The following GAB1 variants were observed in gnomAD, a reference collection of about 807,000 sequenced individuals.
GAB1 encodes the protein GRB2-associated-binding protein 1.
In GAB1, 19 loss-of-function variants were observed where a neutral mutation model predicts 66.5. That is an observed-to-expected ratio of 0.29 (90% CI 0.20 to 0.42). GAB1 has a LOEUF of 0.42. Ranked by LOEUF, GAB1 falls within the 10% of genes least tolerant of loss-of-function variation. The pLI is 1.00. For synonymous variants in GAB1, 294 were observed against 301.4 expected (o/e 0.98, Z 0.25); for missense variants, 732 against 858.5 (o/e 0.85, Z 1.84).
chr4:143,349,876 A>G (rs935096990), intron 1 of GAB1: 15 of 1,583,028 alleles, frequency 9.5e-6, no homozygotes, highest in African/African-American at 9.4e-5. Flanking sequence ...GAAAAAGTCA[A>G]TGATCTCTGA....
chr4:143,366,133 G>A (rs1033590071), intron 1 of GAB1, among the ~76,000 whole-genome samples: 3 of 152,164 alleles, frequency 2.0e-5, no homozygotes, highest in Non-Finnish European at 4.4e-5. Flanking sequence ...TGTTTAAATC[G>A]AAATTAGCCT....
chr4:143,414,986 C>A lies in GAB1; in HGVS notation c.73-491C>A, dbSNP rs3792650. Among the ~76,000 whole-genome samples, 77 of 152,250 alleles carry A rather than the reference C, an allele frequency of 5.1e-4. No homozygotes were observed. The East Asian group carries it at 6.6e-3, about 13-fold the overall frequency. On this transcript the variant is annotated intron_variant, in intron 1 of 9. Coordinates refer to ENST00000262994, the MANE Select transcript of GAB1 (RefSeq NM_002039.4). ...ATAACTCTCCATTTCCCACCCCTCC[C>A]CCTCCGCAGGGCCTGACAAATACCA... is the stretch of plus-strand genomic sequence containing the variant.
intron 2 of GAB1, among the ~76,000 whole-genome samples, chr4:143,432,253 C>A (rs1291441235): frequency 1.3e-5 from 2 of 152,138 alleles, no homozygotes; most frequent in African/African-American, 4.8e-5. Context: ...TCCCTCTAAC[C>A]TCAGAAGAAA....
chr4:143,467,420 C>T (rs1232628325), intron 9 of GAB1, among the ~76,000 whole-genome samples: 3 of 152,078 alleles, frequency 2.0e-5, no homozygotes, highest in African/African-American at 7.2e-5. Flanking sequence ...TATTTTTTAT[C>T]AATTCTGGGA....
chr4:143,462,108 T>C (rs1735523477), intron 8 of GAB1, among the ~76,000 whole-genome samples: 2 of 152,126 alleles, frequency 1.3e-5, no homozygotes, highest in South Asian at 4.1e-4. Context: ...AATATCAAAT[T>C]TATAAAGTAT....
intron 6 of GAB1, among the ~76,000 whole-genome samples, chr4:143,457,275 A>T (rs1202111754): frequency 6.6e-6 from 1 of 152,236 alleles, no homozygotes; most frequent in African/African-American, 2.4e-5. Context: ...GAAAAGAAAG[A>T]TGTAATTGAG....
chr4:143,468,169 T>A (rs1430458853), intron 9 of GAB1, among the ~76,000 whole-genome samples: 1 of 151,940 alleles, frequency 6.6e-6, no homozygotes, highest in Non-Finnish European at 1.5e-5. Flanking sequence ...TCCCTATTTT[T>A]TATGAATTTC....
rs888516757 is a variant in GAB1 at position 143,438,555 on chromosome 4, C to A, written c.1150C>A (p.Arg384Ser). 1 of 1,613,970 alleles carries A rather than the reference C, an allele frequency of 6.2e-7. No homozygotes were observed. The highest frequency in any genetic ancestry group is 1.1e-5 in the South Asian group (1 of 91,060). Residue 384 changes from arginine (R) to serine (S), a missense_variant, in exon 4 of 10, where the codon CGT (arginine) becomes AGT (serine). Arg to Ser is a moderately radical substitution (Grantham distance 110). This residue lies in a region of GAB1 where 427 missense variants were observed against 420.6 expected (regional missense o/e 1.02). Coordinates refer to ENST00000262994, the MANE Select transcript of GAB1 (RefSeq NM_002039.4). ...CCCTACAGCAGGGATGTCGCCTTCACGTAGTAATACCATTTCCACTGTGGA... is the reference window on the plus strand; with the variant it reads ...CCCTACAGCAGGGATGTCGCCTTCAAGTAGTAATACCATTTCCACTGTGGA... ...CIPTAGMSPS[R>S]SNTISTVDLN... is the part of the protein sequence containing the mutation.
At chr4:143,357,874 A>G (rs1317987074) in intron 1 of GAB1, among the ~76,000 whole-genome samples, 1 of 151,802 alleles carries the variant, frequency 6.6e-6, no homozygotes, top group Non-Finnish European at 1.5e-5. Context: ...TCATATATAT[A>G]TATATATGAA....
intron 1 of GAB1, among the ~76,000 whole-genome samples, chr4:143,339,805 A>G (rs1368942989): frequency 1.3e-5 from 2 of 152,216 alleles, no homozygotes; most frequent in African/African-American, 2.4e-5. Flanking sequence ...AACTATGGGA[A>G]CATTTGAGAG....
chr4:143,400,024 C>T (rs889400732), intron 1 of GAB1, among the ~76,000 whole-genome samples: 10 of 151,466 alleles, frequency 6.6e-5, no homozygotes, highest in Admixed American at 3.3e-4. Context: ...CTGCAACCTC[C>T]GTCTCCTGGG....
intron 9 of GAB1, among the ~76,000 whole-genome samples, chr4:143,467,724 C>T (rs1331861506): frequency 6.6e-6 from 1 of 152,122 alleles, no homozygotes; most frequent in African/African-American, 2.4e-5. Context: ...GAGGTGCTAC[C>T]ATCCTAGGAC....
chr4:143,366,566 A>G (rs1299280533), intron 1 of GAB1, among the ~76,000 whole-genome samples: 1 of 152,088 alleles, frequency 6.6e-6, no homozygotes, highest in African/African-American at 2.4e-5. Flanking sequence ...CAAAGTTTCT[A>G]TATTAGGTAT....
At chr4:143,349,379 C>A in intron 1 of GAB1, 1 of 1,021,606 alleles carries the variant, frequency 9.8e-7, no homozygotes, top group Admixed American at 1.7e-5. Flanking sequence ...TTGGTAAATA[C>A]AGTCTCTTTC....
chr4:143,423,401 AGTGT>A (rs1199822441), intron 2 of GAB1, among the ~76,000 whole-genome samples: 1 of 152,072 alleles, frequency 6.6e-6, no homozygotes, highest in Non-Finnish European at 1.5e-5. Context: ...GCCTCTTAGA[AGTGT>A]GTAAGTCTTC....
At chr4:143,416,127 C>T (rs543262565) in intron 2 of GAB1, among the ~76,000 whole-genome samples, 9 of 152,286 alleles carry the variant, frequency 5.9e-5, no homozygotes, top group East Asian at 1.9e-4. Context: ...CACATTTGGC[C>T]GGGCGCGGTG....
intron 2 of GAB1, among the ~76,000 whole-genome samples, chr4:143,419,228 C>CAT (rs929693199): frequency 5.3e-5 from 8 of 151,672 alleles, no homozygotes; most frequent in South Asian, 2.1e-4. Context: ...ATATACAGTG[C>CAT]ATATATATAT....
intron 6 of GAB1, among the ~76,000 whole-genome samples, chr4:143,456,763 G>A (rs1056576251): frequency 6.6e-6 from 1 of 152,146 alleles, no homozygotes; most frequent in African/African-American, 2.4e-5. Flanking sequence ...CCTAATAGAT[G>A]TAAACTCAAC....
intron 2 of GAB1, among the ~76,000 whole-genome samples, chr4:143,426,724 A>G (rs1397399856): frequency 6.6e-6 from 1 of 152,208 alleles, no homozygotes; most frequent in Admixed American, 6.5e-5. Context: ...CCATATTAAT[A>G]CATTATTATT....
Sources: allele counts gnomAD v4.1 joint callset (sites outside exome capture counted in the v4.1 genomes callset), GRCh38; gene constraint gnomAD v4.1.1; regional missense constraint gnomAD v4.1.1; transcripts MANE v1.5; gene names NCBI Gene and HGNC (gene_info 2026-07-23, HGNC 2026-07-21).